TAFA2: variants seen among roughly 807,000 people sequenced by gnomAD.
TAFA2 encodes the protein chemokine-like protein TAFA-2.
Under a neutral mutation model 18.8 loss-of-function variants are expected in TAFA2, and 7 were observed. The observed-to-expected ratio is 0.37, with a 90% CI of 0.21 to 0.70. The LOEUF is 0.70. Among genes scored for constraint, TAFA2 ranks in the 30% least tolerant of loss-of-function variants. The pLI is 0.53. For missense variants in TAFA2, 122 were observed against 158.1 expected, an observed-to-expected ratio of 0.77 and a Z score of 1.23; for synonymous variants, 60 against 54.2, an observed-to-expected ratio of 1.11 and a Z score of -0.47.
intron 1 of TAFA2, among the ~76,000 whole-genome samples, chr12:62,178,646 C>G (rs2062531305): frequency 1.3e-5 from 2 of 152,188 alleles, no homozygotes; most frequent in Admixed American, 1.3e-4. Context: ...CCAAGACTCA[C>G]AGGTATGACA....
At chr12:61,929,864 A>T (rs1371195176) in intron 1 of TAFA2, among the ~76,000 whole-genome samples, 1 of 152,134 alleles carries the variant, frequency 6.6e-6, no homozygotes, top group Non-Finnish European at 1.5e-5. Context: ...AGGGACATGG[A>T]TGAAGCTGGA....
chr12:61,773,066 CCAAGCTGAGAATCAAAT>C (rs1048069235), intron 2 of TAFA2, among the ~76,000 whole-genome samples: 1 of 151,704 alleles, frequency 6.6e-6, no homozygotes, highest in African/African-American at 2.4e-5. Flanking sequence ...CCAACAGTGA[CCAAGCTGAGAATCAAAT>C]CAAGAACTCA....
At position 61,755,003 on chromosome 12, in the gene TAFA2, G is replaced by A; in HGVS notation, c.128C>T (p.Thr43Ile). ...HHKAHHVKTG[T>I]CEVVALHRCC... ...TCTGTGGAGTGCCACCACCTCACAAGTTCCCGTTTTAACATGGTGAGCTGC... is the reference window on the plus strand; with the variant it reads ...TCTGTGGAGTGCCACCACCTCACAAATTCCCGTTTTAACATGGTGAGCTGC... The change falls in exon 3 of 5, where the codon ACT (threonine) becomes ATT (isoleucine). Residue 43 changes from threonine (T) to isoleucine (I), a missense_variant. Transcript: ENST00000416284. 1 of 1,612,756 alleles carries A rather than the reference G, an allele frequency of 6.2e-7. No individual in the cohort carries two copies. Among genetic ancestry groups the A allele is most frequent in the Non-Finnish European group, 8.5e-7 (1 of 1,179,272 alleles).
At chr12:61,881,179 A>G (rs1486025962) in intron 1 of TAFA2, among the ~76,000 whole-genome samples, 1 of 152,180 alleles carries the variant, frequency 6.6e-6, no homozygotes, top group African/African-American at 2.4e-5. Context: ...GGAATTACAC[A>G]TGGCTAGAAA....
intron 2 of TAFA2, among the ~76,000 whole-genome samples, chr12:61,772,820 C>T (rs1056318655): frequency 1.3e-5 from 2 of 151,924 alleles, no homozygotes; most frequent in South Asian, 2.1e-4. Context: ...TTCCCACGTT[C>T]ACCACTTCTA....
intron 1 of TAFA2, among the ~76,000 whole-genome samples, chr12:61,868,529 T>C (rs2121222616): frequency 6.6e-6 from 1 of 152,280 alleles, no homozygotes; most frequent in East Asian, 1.9e-4. Flanking sequence ...CTTCCTGATG[T>C]AGCCTGATTC....
At chr12:61,898,568 T>C (rs1358039975) in intron 1 of TAFA2, among the ~76,000 whole-genome samples, 1 of 152,168 alleles carries the variant, frequency 6.6e-6, no homozygotes, top group Non-Finnish European at 1.5e-5. Context: ...TTCCACCCCA[T>C]GAAGCAACAC....
intron 1 of TAFA2, among the ~76,000 whole-genome samples, chr12:61,977,045 G>A (rs555315291): frequency 1.4e-4 from 21 of 152,118 alleles, no homozygotes; most frequent in Admixed American, 1.3e-3. Flanking sequence ...ACCCAGTAAT[G>A]GGATGGCTGG....
intron 1 of TAFA2, among the ~76,000 whole-genome samples, chr12:62,042,429 G>GCA (rs1491238963): frequency 1.3e-5 from 1 of 76,824 alleles, no homozygotes; most frequent in Admixed American, 1.4e-4. Context: ...GTGTGTGTGT[G>GCA]CGCGTGTGTG....
intron 2 of TAFA2, among the ~76,000 whole-genome samples, chr12:61,850,642 T>C (rs1045160700): frequency 2.0e-5 from 3 of 152,078 alleles, no homozygotes; most frequent in Admixed American, 2.0e-4. Flanking sequence ...CTCCTCATGG[T>C]AGACTGGTTT....
rs71450570 is a variant in TAFA2, at chr12:62,029,811, ATCTCTCTCTCTC to A, written c.-2+161436_-2+161447del. Among the ~76,000 whole-genome samples, 4 of 145,914 alleles carry A rather than the reference ATCTCTCTCTCTC, an allele frequency of 2.7e-5. No individual in the cohort carries two copies. In the South Asian group the frequency reaches 6.6e-4, roughly 24 times the overall value. Reference sequence around the variant, plus strand: ...GAAGAACCACATTAAATGTCTTCCTATCTCTCTCTCTCTCTCTCTCTCTCTCTCTCTGTCATG... The same window carrying A: ...GAAGAACCACATTAAATGTCTTCCTATCTCTCTCTCTCTCTCTCTGTCATG... On this transcript the variant is annotated intron_variant, in intron 1 of 4. Coordinates refer to ENST00000416284, the MANE Select transcript of TAFA2 (RefSeq NM_178539.5).
At chr12:61,821,838 G>A (rs894725076) in intron 2 of TAFA2, among the ~76,000 whole-genome samples, 1 of 152,048 alleles carries the variant, frequency 6.6e-6, no homozygotes, top group African/African-American at 2.4e-5. Flanking sequence ...AATTTTAAAT[G>A]CATTTTATTC....
At chr12:61,733,441 A>G (rs1868255009) in intron 4 of TAFA2, among the ~76,000 whole-genome samples, 1 of 151,966 alleles carries the variant, frequency 6.6e-6, no homozygotes, top group Non-Finnish European at 1.5e-5. Flanking sequence ...TCTTGAATTA[A>G]TTTTTGTATA....
At chr12:62,236,565 C>T (rs1261139258) in intron 1 of TAFA2, among the ~76,000 whole-genome samples, 1 of 152,114 alleles carries the variant, frequency 6.6e-6, no homozygotes, top group Non-Finnish European at 1.5e-5. Context: ...GCACCCAGCC[C>T]AAATGTTTTC....
chr12:61,743,964 T>C lies in TAFA2; in HGVS notation c.384+9658A>G, dbSNP rs144384482. Among the ~76,000 whole-genome samples the C allele has an allele frequency of 1.8e-3, 271 of 152,216 alleles. 1 individual carries two copies. Among genetic ancestry groups the C allele is most frequent in the Non-Finnish European group, 2.2e-3 (150 of 67,996 alleles). On this transcript the variant is annotated intron_variant, in intron 4 of 4. Transcript: ENST00000416284. ...ATGGCTTCTTGAACATACCTTTCTA[T>C]TCCCCAAGTCCTACGAGGTGCCATT...
chr12:61,764,230 T>TGATTGATAGATAGATAGATAGATAGATA (rs1555163228), intron 2 of TAFA2, among the ~76,000 whole-genome samples: 1 of 150,026 alleles, frequency 6.7e-6, no homozygotes, highest in Non-Finnish European at 1.5e-5. Context: ...GATGATTGAT[T>TGATTGATAGATAGATAGATAGATAGATA]GATAGATAGA....
intron 1 of TAFA2, among the ~76,000 whole-genome samples, chr12:62,068,387 TG>T (rs1882546395): frequency 1.3e-5 from 2 of 152,174 alleles, no homozygotes; most frequent in Non-Finnish European, 2.9e-5. Context: ...ATTAGTGTCT[TG>T]AGGATGGAGT....
intron 1 of TAFA2, among the ~76,000 whole-genome samples, chr12:61,900,450 T>C (rs1876048671): frequency 6.6e-6 from 1 of 152,180 alleles, no homozygotes; most frequent in Non-Finnish European, 1.5e-5. Flanking sequence ...TACCCAAGAC[T>C]GGGTAATTTA....
chr12:62,196,976 CA>C (rs1173858285), upstream of TAFA2, among the ~76,000 whole-genome samples: 3 of 152,348 alleles, frequency 2.0e-5, no homozygotes, highest in African/African-American at 7.2e-5. Flanking sequence ...AGCCTCACAG[CA>C]GGGGTGAGCT....
Sources: allele counts gnomAD v4.1 joint callset (sites outside exome capture counted in the v4.1 genomes callset), GRCh38; gene constraint gnomAD v4.1.1; transcripts MANE v1.5; gene names NCBI Gene and HGNC (gene_info 2026-07-23, HGNC 2026-07-21).